Variants in HELZ observed in about 807,000 individuals in gnomAD.
The protein encoded by HELZ is ATP-dependent RNA helicase with zinc finger domain.
In HELZ, 23 loss-of-function variants were observed where a neutral mutation model predicts 218.2. The observed-to-expected ratio is 0.11, with a 90% CI of 0.08 to 0.15. The LOEUF is 0.15. Ranked by LOEUF, HELZ falls within the 10% of genes least tolerant of loss-of-function variation. HELZ has a pLI of 1.00. For missense variants in HELZ, 1,813 were observed against 2,353.7 expected (o/e 0.77, Z 4.75); for synonymous variants, 814 against 829.4 (o/e 0.98, Z 0.32).
chr17:67,173,147 A>G, intron 13 of HELZ: 2 of 354,966 alleles, frequency 5.6e-6, no homozygotes, highest in Non-Finnish European at 7.9e-6. Context: ...AATTCATCAC[A>G]TGTTCAAGAT....
At chr17:67,089,829 G>A (rs1031851207) in intron 31 of HELZ, among the ~76,000 whole-genome samples, 50 of 150,826 alleles carry the variant, frequency 3.3e-4, no homozygotes, top group African/African-American at 1.2e-3. Flanking sequence ...AGATTCCTTG[G>A]GCTTTTTCTA....
chr17:67,086,631 A>AATATATATATATATATAT lies in HELZ; in HGVS notation c.5494+180_5494+197dup, dbSNP rs71139116. 3.0e-3 allele frequency among the ~76,000 whole-genome samples: 282 copies of AATATATATATATATATAT among 93,104 alleles called. 4 individuals are homozygous for AATATATATATATATATAT. The highest frequency in any genetic ancestry group is 4.1e-3 in the Non-Finnish European group (203 of 49,070). The allele number at this position is 93,104 out of a possible 152,430, so 61.1% of individuals were successfully genotyped here. On this transcript the variant is annotated intron_variant, in intron 32 of 32. Transcript: ENST00000358691. ...ATATATATAAATAAATATAAATATA[A>AATATATATATATATATAT]ATATATATATATATATATATATATA...
chr17:67,165,334 G>A (rs879874674), intron 15 of HELZ, among the ~76,000 whole-genome samples: 3 of 152,100 alleles, frequency 2.0e-5, no homozygotes, highest in African/African-American at 2.4e-5. Flanking sequence ...GGAATGTGAG[G>A]GGAAGTGATA....
chr17:67,092,896 G>GGT (rs1555596457), intron 31 of HELZ, among the ~76,000 whole-genome samples: 1 of 151,578 alleles, frequency 6.6e-6, no homozygotes, highest in Admixed American at 6.6e-5. Context: ...AACCGGCGGG[G>GGT]GGGGGAAGTT....
chr17:67,195,234 T>C (rs997144530), intron 8 of HELZ, among the ~76,000 whole-genome samples, 185 bp downstream of exon 8: 1 of 152,206 alleles, frequency 6.6e-6, no homozygotes, highest in Non-Finnish European at 1.5e-5. Context: ...ACTCCATTAT[T>C]CTATGAAAAG....
chr17:67,097,713 G>A (rs529225602), intron 31 of HELZ, among the ~76,000 whole-genome samples: 35 of 152,290 alleles, frequency 2.3e-4, no homozygotes, highest in African/African-American at 8.2e-4. Context: ...ATGAAACAGT[G>A]AATTAACAAT....
At chr17:67,219,036 G>A (rs1201956249) in intron 3 of HELZ, among the ~76,000 whole-genome samples, 1 of 152,154 alleles carries the variant, frequency 6.6e-6, no homozygotes, top group Non-Finnish European at 1.5e-5. Context: ...CAAGCAAAAT[G>A]TCAATCATAA....
intron 31 of HELZ, among the ~76,000 whole-genome samples, chr17:67,092,895 G>GC (rs905860716): frequency 2.0e-5 from 3 of 151,458 alleles, no homozygotes; most frequent in Non-Finnish European, 4.4e-5. Flanking sequence ...AAACCGGCGG[G>GC]GGGGGGAAGT....
In HELZ at chr17:67,149,661, C is replaced by T. The variant is rs551060441; in HGVS notation, c.2475+206G>A. Among the ~76,000 whole-genome samples, 3 of 152,172 alleles carry T rather than the reference C, an allele frequency of 2.0e-5. No homozygotes were observed. In the South Asian group the frequency reaches 6.2e-4, roughly 32 times the overall value. On this transcript the variant is annotated intron_variant, in intron 19 of 32. Transcript: ENST00000358691. ...ATAAACATGAAAATTATAACAGTGA[C>T]AGACTATCCAAAAAAGAAAAAAGAG...
At position 67,117,779 on chromosome 17, in the gene HELZ, G is replaced by A. The variant is rs2037473751; in HGVS notation, c.3838+2626C>T. Among the ~76,000 whole-genome samples, 2 of 151,872 alleles carry A rather than the reference G, an allele frequency of 1.3e-5. 1 individual carries two copies. Among genetic ancestry groups the A allele is most frequent in the South Asian group, 4.1e-4 (2 of 4,824 alleles). On this transcript the variant is annotated intron_variant, in intron 27 of 32. Coordinates refer to ENST00000358691, the MANE Select transcript of HELZ (RefSeq NM_014877.4). ...TGGCCACGCCTGGTCTCGAACTCTT[G>A]ACCTCAGGTAATCTGCCCACCTTGG...
chr17:67,134,326 G>A (rs573448166), intron 23 of HELZ, among the ~76,000 whole-genome samples: 2 of 151,856 alleles, frequency 1.3e-5, no homozygotes, highest in Admixed American at 6.6e-5. Flanking sequence ...CAGAGGTTGC[G>A]GTGAGCCGAG....
chr17:67,223,091 CAAAAA>C (rs1170812696), intron 3 of HELZ, among the ~76,000 whole-genome samples: 3 of 95,158 alleles, frequency 3.2e-5, no homozygotes, highest in African/African-American at 1.1e-4. Context: ...ACTAAAAATA[CAAAAA>C]AAAAAAAAAA....
At chr17:67,234,330 AAC>A (rs1491355869) in intron 3 of HELZ, among the ~76,000 whole-genome samples, 1 of 151,440 alleles carries the variant, frequency 6.6e-6, no homozygotes, top group Non-Finnish European at 1.5e-5. Flanking sequence ...GAAAAAAAAA[AAC>A]ACAGAGATAC....
intron 3 of HELZ, among the ~76,000 whole-genome samples, chr17:67,231,497 G>T (rs775161384): frequency 6.6e-6 from 1 of 151,252 alleles, no homozygotes; most frequent in African/African-American, 2.4e-5. Context: ...GGAGGTTGAG[G>T]AAGGAGAATG....
chr17:67,106,473 A>G (rs937088627), intron 31 of HELZ, among the ~76,000 whole-genome samples: 3 of 151,666 alleles, frequency 2.0e-5, no homozygotes, highest in Middle Eastern at 3.2e-3. Flanking sequence ...ACGCCCAGCT[A>G]ATTTTTTCTA....
In HELZ at chr17:67,188,518, T is replaced by C. The variant is rs766289499; in HGVS notation, c.963A>G (p.Val321=). The C allele has an allele frequency of 2.7e-5, 44 of 1,613,816 alleles. No homozygotes were observed. Among genetic ancestry groups the C allele is most frequent in the Non-Finnish European group, 3.6e-5 (42 of 1,179,832 alleles). The change falls in exon 12 of 33, where the codon GTA becomes GTG. Residue 321 remains valine, a synonymous_variant. Coordinates refer to ENST00000358691, the MANE Select transcript of HELZ (RefSeq NM_014877.4). The surrounding 1 kb of genome is among the most constrained non-coding windows in gnomAD (Gnocchi z 4.1). ...GACAGTTTTCTGGGACTTCTTGTGA[T>C]ACCTGGGTAGTACTATCTCCGGCAG... ...AISAGDSTTQ[V]SQEVPENCQE...
Position 67,178,676 on chromosome 17 carries a change from C to A in HELZ, c.1413G>T (p.Gln471His). ...TAACTTACTTGCTGATTTCTTTATACTGGGCTATCTCCTCAATATAAAGAA... is the reference window on the plus strand; with the variant it reads ...TAACTTACTTGCTGATTTCTTTATAATGGGCTATCTCCTCAATATAAAGAA... ...HDLLYIEEIAQYKEISKFNLK... is the reference protein window; with the variant it reads ...HDLLYIEEIAHYKEISKFNLK... Residue 471 changes from glutamine (Q) to histidine (H), a missense_variant, in exon 13 of 33, where the codon CAG (glutamine) becomes CAT (histidine). By Grantham distance (24) the Gln-to-His change is conservative. Coordinates refer to ENST00000358691, the MANE Select transcript of HELZ (RefSeq NM_014877.4). The A allele has an allele frequency of 6.2e-7, 1 of 1,610,882 alleles. No homozygotes were observed.
chr17:67,151,127 T>C lies in HELZ; in HGVS notation c.2275A>G (p.Lys759Glu). ...SAHSTFQMPQKEDILKHRVVV... is the reference protein window; with the variant it reads ...SAHSTFQMPQEEDILKHRVVV... ...ACTCGATGTTTAAGAATATCTTCTT[T>C]CTGGGGCATCTGAAAGGTGGAATGT... is the stretch of plus-strand genomic sequence containing the variant. Residue 759 changes from lysine to glutamate, a missense_variant, in exon 18 of 33, where the codon AAA (lysine) becomes GAA (glutamate). By Grantham distance (56) the Lys-to-Glu change is moderately conservative. Coordinates refer to ENST00000358691, the MANE Select transcript of HELZ (RefSeq NM_014877.4). 1 of 1,613,990 alleles carries C rather than the reference T, an allele frequency of 6.2e-7. No individual in the cohort carries two copies. Among genetic ancestry groups the C allele is most frequent in the Non-Finnish European group, 8.5e-7 (1 of 1,179,880 alleles).
chr17:67,153,728 C>G (rs2038758661), intron 17 of HELZ, among the ~76,000 whole-genome samples: 1 of 152,206 alleles, frequency 6.6e-6, no homozygotes, highest in Non-Finnish European at 1.5e-5. Context: ...TTTCTAAACA[C>G]TCAGTTAATA....
Sources: allele counts gnomAD v4.1 joint callset (sites outside exome capture counted in the v4.1 genomes callset), GRCh38; gene constraint gnomAD v4.1.1; non-coding constraint Gnocchi (gnomAD v3.1); transcripts MANE v1.5; gene names NCBI Gene and HGNC (gene_info 2026-07-23, HGNC 2026-07-21).